Variants in TEAD4 observed in about 807,000 individuals in gnomAD.
TEAD4 encodes transcriptional enhancer factor TEF-3.
A neutral mutation model predicts 52.4 loss-of-function variants in TEAD4; 36 were observed. The observed-to-expected ratio is 0.69, with a 90% CI of 0.53 to 0.91. TEAD4 has a LOEUF of 0.91. TEAD4 is among the 40% of genes least tolerant of loss of function. The pLI, the probability that TEAD4 is intolerant of heterozygous loss-of-function variation, is 0.00. For missense variants in TEAD4, 508 were observed against 583.9 expected (o/e 0.87, Z 1.34); for synonymous variants, 220 against 231.0 (o/e 0.95, Z 0.43).
In TEAD4 at chr12:2,959,818, C is replaced by G. The variant is rs1296363922; in HGVS notation, c.-122-130C>G. 1 of 151,436 alleles carries G rather than the reference C, an allele frequency of 6.6e-6. No homozygotes were observed. The highest frequency in any genetic ancestry group is 2.4e-5 in the African/African-American group (1 of 41,356). The allele number at this position is 151,436 out of a possible 1,614,324, so 9.4% of individuals were successfully genotyped here. On this transcript the variant is annotated intron_variant, in intron 1 of 12. Transcript: ENST00000359864. This position sits in a 1 kb window ranked among gnomAD's most constrained non-coding sequence, Gnocchi z 5.1. ...ACTCCTCCCTCCGCGCGCTCCGCTC[C>G]GCTCCGCTGGGCGCACCGGGGCCGG...
intron 2 of TEAD4, among the ~76,000 whole-genome samples, chr12:2,962,065 A>G (rs2098215807): frequency 6.6e-6 from 1 of 151,168 alleles, no homozygotes; most frequent in Non-Finnish European, 1.5e-5. Context: ...ATTATTAGAT[A>G]CCCTAATGTC....
intron 3 of TEAD4, among the ~76,000 whole-genome samples, chr12:3,003,814 T>G (rs1430589525): frequency 6.6e-6 from 1 of 152,148 alleles, no homozygotes; most frequent in Non-Finnish European, 1.5e-5. Flanking sequence ...CTGACTGGCC[T>G]CCTCCTTCCC....
chr12:3,031,679 C>T (rs1484610104), intron 10 of TEAD4, among the ~76,000 whole-genome samples: 1 of 152,182 alleles, frequency 6.6e-6, no homozygotes, highest in African/African-American at 2.4e-5. Flanking sequence ...CTTCTCACCA[C>T]GTTACATACA....
At chr12:2,982,103 C>T (rs896857822) in intron 2 of TEAD4, among the ~76,000 whole-genome samples, 14 of 152,090 alleles carry the variant, frequency 9.2e-5, no homozygotes, top group African/African-American at 3.1e-4. Context: ...TGCCTTTTCT[C>T]GGGGCAGGTC....
intron 2 of TEAD4, among the ~76,000 whole-genome samples, chr12:2,981,160 C>T (rs745483571): frequency 2.6e-5 from 4 of 152,196 alleles, no homozygotes; most frequent in Non-Finnish European, 4.4e-5. Flanking sequence ...CCTCAGTGTC[C>T]AGGGCACCTC....
chr12:3,026,595 G>A (rs774192391), intron 10 of TEAD4, among the ~76,000 whole-genome samples: 4 of 152,210 alleles, frequency 2.6e-5, no homozygotes, highest in Non-Finnish European at 4.4e-5. Flanking sequence ...CCCATAATTA[G>A]TTGTGTGGCT....
chr12:3,032,791 C>G (rs1012001238), intron 10 of TEAD4, among the ~76,000 whole-genome samples: 5 of 152,210 alleles, frequency 3.3e-5, no homozygotes, highest in Non-Finnish European at 1.5e-5. Flanking sequence ...CATCTGCTCC[C>G]TCCTCCGCAT....
In TEAD4 at chr12:2,994,825, AG is replaced by A; in HGVS notation, c.63del (p.Ser22AlafsTer59). ...GAGTGGAGCTCTCCCACCTCCCCTG[AG>A]GGGAGCACCGCCTCTGGGGGCAGTC... On this transcript the variant is annotated frameshift_variant, in exon 3 of 13. Transcript: ENST00000359864. LOFTEE classifies it high-confidence loss of function. This position sits in a 1 kb window ranked among gnomAD's most constrained non-coding sequence, Gnocchi z 4.7. 1 of 1,613,884 alleles carries A rather than the reference AG, an allele frequency of 6.2e-7. No homozygotes were observed. The highest frequency in any genetic ancestry group is 8.5e-7 in the Non-Finnish European group (1 of 1,179,958).
chr12:3,011,723 T>C (rs1456574840), intron 4 of TEAD4, among the ~76,000 whole-genome samples: 3 of 152,184 alleles, frequency 2.0e-5, no homozygotes, highest in African/African-American at 7.2e-5. Flanking sequence ...TGGAGTGCAG[T>C]GGCGCAATCT....
At chr12:2,985,501 C>CTTTTT (rs560522260) in intron 2 of TEAD4, among the ~76,000 whole-genome samples, 10 of 83,022 alleles carry the variant, frequency 1.2e-4, no homozygotes, top group African/African-American at 2.8e-4. Flanking sequence ...TTTACAAAAT[C>CTTTTT]TTTTTTTTTT....
At chr12:3,021,006 C>A (rs1003016963) in intron 9 of TEAD4, among the ~76,000 whole-genome samples, 2 of 152,072 alleles carry the variant, frequency 1.3e-5, no homozygotes, top group African/African-American at 4.8e-5. Context: ...GTCAGCGTCA[C>A]GCTCCTCCCT....
intron 10 of TEAD4, among the ~76,000 whole-genome samples, chr12:3,033,950 C>T (rs1230791873): frequency 6.6e-6 from 1 of 151,526 alleles, no homozygotes; most frequent in African/African-American, 2.4e-5. Context: ...AGTCGAGGTG[C>T]TCTGGGGCGG....
intron 11 of TEAD4, 116 bp from the exon 12 acceptor site, chr12:3,039,991 G>A: frequency 2.1e-6 from 3 of 1,409,774 alleles, no homozygotes; most frequent in South Asian, 2.7e-5. Flanking sequence ...CTGGCTGGGG[G>A]TGACTCTTTT....
intron 2 of TEAD4, among the ~76,000 whole-genome samples, chr12:2,973,941 C>T (rs2098227320): frequency 6.6e-6 from 1 of 152,144 alleles, no homozygotes; most frequent in Admixed American, 6.6e-5. Context: ...TTTTCTGGGT[C>T]AGGGTGGGTC....
At position 2,987,793 on chromosome 12, in the gene TEAD4, C is replaced by T. The variant is rs187819146; in HGVS notation, c.-29-6945C>T. 2.2e-3 allele frequency among the ~76,000 whole-genome samples: 330 copies of T among 151,476 alleles called. 1 individual carries two copies. The highest frequency in any genetic ancestry group is 7.4e-3 in the African/African-American group (308 of 41,360). On this transcript the variant is annotated intron_variant, in intron 2 of 12. Coordinates refer to ENST00000359864, the MANE Select transcript of TEAD4 (RefSeq NM_003213.4). Reference sequence around the variant, plus strand: ...AAAATCACAATTTCAGGGCCGGGCACGGTGGCTCACACCTGTAATCCCAGC... The same window carrying T: ...AAAATCACAATTTCAGGGCCGGGCATGGTGGCTCACACCTGTAATCCCAGC...
chr12:3,030,375 C>A (rs1489577565), intron 10 of TEAD4, among the ~76,000 whole-genome samples: 1 of 152,124 alleles, frequency 6.6e-6, no homozygotes, highest in Non-Finnish European at 1.5e-5. Flanking sequence ...GAGGGGTGGG[C>A]CTGGGGGCTG....
chr12:2,962,731 G>T (rs886527299), intron 2 of TEAD4, among the ~76,000 whole-genome samples: 1 of 152,206 alleles, frequency 6.6e-6, no homozygotes, highest in Non-Finnish European at 1.5e-5. Flanking sequence ...CTCCCAAAGT[G>T]CTGGGATTAC....
chr12:3,023,445 C>G (rs1251860957), intron 10 of TEAD4, among the ~76,000 whole-genome samples: 1 of 151,954 alleles, frequency 6.6e-6, no homozygotes, highest in Non-Finnish European at 1.5e-5. Context: ...TAAATCAATG[C>G]ATGTTCATGG....
At chr12:2,985,162 A>G (rs2098237097) in intron 2 of TEAD4, among the ~76,000 whole-genome samples, 1 of 152,128 alleles carries the variant, frequency 6.6e-6, no homozygotes, top group Admixed American at 6.5e-5. Flanking sequence ...AGGCGGGTGG[A>G]TCACGAGGTC....
Sources: gnomAD v4.1 joint callset for allele counts (sites outside exome capture counted in the v4.1 genomes callset) on GRCh38, gnomAD v4.1.1 for gene constraint, Gnocchi (gnomAD v3.1) non-coding constraint, MANE v1.5 for transcripts, NCBI Gene and HGNC (gene_info 2026-07-23, HGNC 2026-07-21) for gene names.